The following MMP26 variants were observed in gnomAD, a reference collection of about 807,000 sequenced individuals.
MMP26 encodes matrix metallopeptidase 26.
A neutral mutation model predicts 31.0 loss-of-function variants in MMP26; 33 were observed. The observed-to-expected ratio is 1.06, with a 90% CI of 0.81 to 1.42. The LOEUF (loss-of-function observed/expected upper bound fraction) is 1.42. Ranked by LOEUF, MMP26 falls within the 40% of genes most tolerant of loss-of-function variation. The pLI, the probability that MMP26 is intolerant of heterozygous loss-of-function variation, is 0.00. For synonymous variants in MMP26, 122 were observed against 114.9 expected (o/e 1.06, Z -0.40); for missense variants, 347 against 316.1 (o/e 1.10, Z -0.74).
chr11:4,945,209 T>G (rs1846275829), intron 2 of MMP26: 1 of 152,152 alleles, frequency 6.6e-6, no homozygotes, highest in Middle Eastern at 3.4e-3. Context: ...AAACTAGGGC[T>G]AGGTAATCTA....
chr11:4,750,373 G>A (rs1848432677), intron 1 of MMP26, among the ~76,000 whole-genome samples: 1 of 151,996 alleles, frequency 6.6e-6, no homozygotes, highest in South Asian at 2.1e-4. Flanking sequence ...TATTTCTCAA[G>A]GAACTAAAAA....
At chr11:4,800,242 T>C (rs6578532) in intron 2 of MMP26, among the ~76,000 whole-genome samples, 56,022 of 152,208 alleles carry the variant, frequency 0.37, 11,399 homozygotes, top group African/African-American at 0.52. Context: ...CTTTCCAGTA[T>C]ATCCCCTGAA....
At chr11:4,819,255 A>G (rs1264428636) in intron 2 of MMP26, among the ~76,000 whole-genome samples, 1 of 152,214 alleles carries the variant, frequency 6.6e-6, no homozygotes, top group Non-Finnish European at 1.5e-5. Context: ...TCAGAAATTC[A>G]CTTGAAATTT....
At chr11:4,836,535 C>A (rs904035965) in intron 2 of MMP26, among the ~76,000 whole-genome samples, 1 of 151,006 alleles carries the variant, frequency 6.6e-6, no homozygotes, top group South Asian at 2.1e-4. Context: ...TAAATATCCA[C>A]CTTGATTAAT....
At chr11:4,758,383 G>A (rs149942973) in intron 1 of MMP26, among the ~76,000 whole-genome samples, 36 of 146,758 alleles carry the variant, frequency 2.5e-4, no homozygotes, top group African/African-American at 8.2e-4. Flanking sequence ...ATTGAGTTAC[G>A]TATAAAGGTA....
chr11:4,914,812 C>T, intron 2 of MMP26: 1 of 1,613,974 alleles, frequency 6.2e-7, no homozygotes, highest in Non-Finnish European at 8.5e-7. Context: ...AGAGAAGATA[C>T]ATGAAACCCA....
chr11:4,824,073 A>C (rs1849548896), intron 2 of MMP26, among the ~76,000 whole-genome samples: 1 of 152,100 alleles, frequency 6.6e-6, no homozygotes, highest in African/African-American at 2.4e-5. Flanking sequence ...TTTGGGGGGA[A>C]ATCTGGATAA....
intron 1 of MMP26, among the ~76,000 whole-genome samples, chr11:4,749,984 G>A (rs1163854170): frequency 2.6e-5 from 4 of 152,062 alleles, no homozygotes; most frequent in East Asian, 3.9e-4. Context: ...AATCAACAGA[G>A]TGAACAGATA....
intron 2 of MMP26, among the ~76,000 whole-genome samples, chr11:4,866,587 A>G (rs1850237414): frequency 6.6e-6 from 1 of 152,184 alleles, no homozygotes; most frequent in African/African-American, 2.4e-5. Context: ...AAACTATTTT[A>G]AAATTCATAT....
intron 2 of MMP26, among the ~76,000 whole-genome samples, chr11:4,801,484 G>T (rs1849180039): frequency 6.6e-6 from 1 of 151,598 alleles, no homozygotes; most frequent in African/African-American, 2.4e-5. Context: ...GAGAGAAGGG[G>T]GAGGGGGAGG....
At chr11:4,791,005 A>T (rs181667141) in intron 2 of MMP26, among the ~76,000 whole-genome samples, 2 of 152,256 alleles carry the variant, frequency 1.3e-5, no homozygotes, top group Admixed American at 1.3e-4. Flanking sequence ...CCTTATATTT[A>T]AAAAACCTAA....
At chr11:4,873,485 C>T (rs1237679805) in intron 2 of MMP26, among the ~76,000 whole-genome samples, 1 of 152,054 alleles carries the variant, frequency 6.6e-6, no homozygotes, top group Non-Finnish European at 1.5e-5. Flanking sequence ...CCACTACTGG[C>T]AGGCCATTGG....
chr11:4,865,846 G>T (rs1850227032), intron 2 of MMP26, among the ~76,000 whole-genome samples: 1 of 152,100 alleles, frequency 6.6e-6, no homozygotes, highest in African/African-American at 2.4e-5. Context: ...GCAAGCAGGA[G>T]TCATCAGGAC....
intron 2 of MMP26, chr11:4,804,101 C>T: frequency 6.2e-7 from 1 of 1,614,064 alleles, no homozygotes; most frequent in Non-Finnish European, 8.5e-7. Flanking sequence ...TACTGAATCT[C>T]ATGAGCATGA....
In MMP26 at chr11:4,992,049, C is replaced by T. The variant is rs1270919633; in HGVS notation, c.681C>T (p.Tyr227=). The change falls in exon 7 of 8, where the codon TAC becomes TAT. Residue 227 remains tyrosine, a synonymous_variant. Coordinates refer to ENST00000380390, the MANE Select transcript of MMP26 (RefSeq NM_021801.5). ...CTGGGAATCAGAGCTCCATAATGTACCCCACTTACTGGTATCACGACCCTA... is the reference window on the plus strand; with the variant it reads ...CTGGGAATCAGAGCTCCATAATGTATCCCACTTACTGGTATCACGACCCTA... The part of the protein sequence containing the change: ...QHSGNQSSIM[Y]PTYWYHDPRT... 1 of 1,613,954 alleles carries T rather than the reference C, an allele frequency of 6.2e-7. No individual in the cohort carries two copies.
At chr11:4,751,617 A>C (rs1848447777) in intron 1 of MMP26, among the ~76,000 whole-genome samples, 1 of 152,198 alleles carries the variant, frequency 6.6e-6, no homozygotes, top group Admixed American at 6.6e-5. Context: ...AGAAAGTTTA[A>C]GCCTAAATTG....
chr11:4,816,869 A>AT (rs1376786489), intron 2 of MMP26, among the ~76,000 whole-genome samples: 5 of 82,902 alleles, frequency 6.0e-5, no homozygotes, highest in African/African-American at 2.2e-4. Flanking sequence ...ACGCCCGGCT[A>AT]ATTTTTTTTT....
At chr11:4,839,475 G>T (rs1365086414) in intron 2 of MMP26, among the ~76,000 whole-genome samples, 1 of 151,676 alleles carries the variant, frequency 6.6e-6, no homozygotes, top group Non-Finnish European at 1.5e-5. Context: ...GGAGGAGCTT[G>T]TCTTGCATCT....
intron 1 of MMP26, among the ~76,000 whole-genome samples, chr11:4,757,377 T>C (rs1228431943): frequency 1.3e-5 from 2 of 151,708 alleles, no homozygotes; most frequent in Non-Finnish European, 2.9e-5. Context: ...ATCAGAAACT[T>C]CTAGAAAAAA....
Sources: allele counts gnomAD v4.1 joint callset (sites outside exome capture counted in the v4.1 genomes callset), GRCh38; gene constraint gnomAD v4.1.1; transcripts MANE v1.5; gene names NCBI Gene and HGNC (gene_info 2026-07-23, HGNC 2026-07-21).